The following CCSER1 variants were observed in gnomAD, a reference collection of about 807,000 sequenced individuals.
The protein encoded by CCSER1 is coiled-coil serine rich protein 1.
Under a neutral mutation model 82.0 loss-of-function variants are expected in CCSER1, and 41 were observed. The observed-to-expected ratio is 0.50, with a 90% CI of 0.39 to 0.65. The LOEUF is 0.65. Among genes scored for constraint, CCSER1 ranks in the 30% least tolerant of loss-of-function variants. The pLI, the probability that CCSER1 is intolerant of heterozygous loss-of-function variation, is 0.00. For synonymous variants in CCSER1, 414 were observed against 383.9 expected (o/e 1.08, Z -0.92); for missense variants, 1,119 against 1,064.2 (o/e 1.05, Z -0.72).
chr4:90,147,589 T>C (rs1726049858), intron 1 of CCSER1, among the ~76,000 whole-genome samples: 2 of 152,138 alleles, frequency 1.3e-5, no homozygotes. Flanking sequence ...TCAAAGTGAG[T>C]AGCATTTGAA....
intron 10 of CCSER1, among the ~76,000 whole-genome samples, chr4:91,274,180 T>A: frequency 6.6e-6 from 1 of 152,184 alleles, no homozygotes; most frequent in Admixed American, 6.5e-5. Flanking sequence ...GATGACTTTT[T>A]AATTTTTTTT....
intron 10 of CCSER1, among the ~76,000 whole-genome samples, chr4:91,124,239 G>C (rs986985180): frequency 4.0e-5 from 6 of 151,532 alleles, no homozygotes; most frequent in African/African-American, 1.2e-4. Context: ...TTCAAATATT[G>C]TCATTAGTTC....
intron 1 of CCSER1, among the ~76,000 whole-genome samples, chr4:90,228,177 C>CA (rs139219675): frequency 0.57 from 85,968 of 152,088 alleles, 24,968 homozygotes; most frequent in African/African-American, 0.7. Flanking sequence ...GCAGGGCACA[C>CA]ACAAACAAAA....
chr4:90,604,695 G>T (rs1784418465), intron 5 of CCSER1, among the ~76,000 whole-genome samples: 1 of 152,170 alleles, frequency 6.6e-6, no homozygotes, highest in African/African-American at 2.4e-5. Flanking sequence ...GCACCAATCA[G>T]CACTTCGTGT....
rs760561993 is a variant in CCSER1, at chr4:90,468,275, G to A, written c.1645G>A (p.Ala549Thr). ...ATATCACTCTGTCGTCTCATGTGCC[G>A]CAGTAGTTCTTACTCCTATGGAACC... ...DSYHSVVSCA[A>T]VVLTPMEPMI... The change falls in exon 5 of 11, where the codon GCA (alanine) becomes ACA (threonine). Residue 549 changes from alanine (A) to threonine (T), a missense_variant. By Grantham distance (58) the Ala-to-Thr change is moderately conservative. Transcript: ENST00000509176. 21 of 1,607,722 alleles carry A rather than the reference G, an allele frequency of 1.3e-5. No homozygotes were observed. The highest frequency in any genetic ancestry group is 1.6e-5 in the Non-Finnish European group (19 of 1,176,102).
At chr4:91,494,792 C>A (rs748128060) in intron 10 of CCSER1, among the ~76,000 whole-genome samples, 3 of 151,624 alleles carry the variant, frequency 2.0e-5, no homozygotes, top group Admixed American at 6.6e-5. Context: ...TTTATAAAAA[C>A]AGATTAAAGC....
intron 1 of CCSER1, among the ~76,000 whole-genome samples, chr4:90,293,436 T>C (rs1731292319): frequency 6.6e-6 from 1 of 151,556 alleles, no homozygotes. Flanking sequence ...TTTGTTAATA[T>C]ACTTTAAGGA....
At chr4:90,537,844 T>G (rs1360903676) in intron 5 of CCSER1, among the ~76,000 whole-genome samples, 3 of 152,188 alleles carry the variant, frequency 2.0e-5, no homozygotes, top group African/African-American at 4.8e-5. Context: ...TTTTATGATT[T>G]GCATTTTATC....
intron 3 of CCSER1, among the ~76,000 whole-genome samples, chr4:90,362,026 A>G (rs1416759077): frequency 6.6e-6 from 1 of 152,180 alleles, no homozygotes. Flanking sequence ...TTTCTACGTT[A>G]AAAGATTCTG....
intron 1 of CCSER1, among the ~76,000 whole-genome samples, chr4:90,217,601 A>G (rs974331993): frequency 6.6e-6 from 1 of 152,070 alleles, no homozygotes. Context: ...CTCTTGCCTG[A>G]TAGCTCTGGC....
intron 10 of CCSER1, among the ~76,000 whole-genome samples, chr4:91,166,687 T>G (rs2148991747): frequency 6.6e-6 from 1 of 152,040 alleles, no homozygotes; most frequent in African/African-American, 2.4e-5. Context: ...TAGTATAAAG[T>G]TAGATGAGAA....
At chr4:91,391,578 G>A (rs1360757284) in intron 10 of CCSER1, among the ~76,000 whole-genome samples, 1 of 152,162 alleles carries the variant, frequency 6.6e-6, no homozygotes, top group African/African-American at 2.4e-5. Flanking sequence ...TGAGATTATA[G>A]GCATAAGCCA....
At chr4:90,252,793 A>G (rs985901311) in intron 1 of CCSER1, among the ~76,000 whole-genome samples, 4 of 151,608 alleles carry the variant, frequency 2.6e-5, no homozygotes, top group Non-Finnish European at 5.9e-5. Flanking sequence ...GTATTATTTC[A>G]TTTTTTCAAT....
At chr4:91,493,480 A>C (rs1057072141) in intron 10 of CCSER1, among the ~76,000 whole-genome samples, 1 of 151,876 alleles carries the variant, frequency 6.6e-6, no homozygotes, top group African/African-American at 2.4e-5. Flanking sequence ...TTTTAAATGA[A>C]ATATTTATTA....
chr4:91,278,882 C>T (rs959465957), intron 10 of CCSER1, among the ~76,000 whole-genome samples: 2 of 151,790 alleles, frequency 1.3e-5, no homozygotes, highest in Non-Finnish European at 2.9e-5. Context: ...TGTGTGTTTG[C>T]CTGATGGTAG....
At chr4:91,000,609 T>G (rs1737950530) in intron 9 of CCSER1, among the ~76,000 whole-genome samples, 2 of 152,136 alleles carry the variant, frequency 1.3e-5, no homozygotes, top group Non-Finnish European at 2.9e-5. Flanking sequence ...TTAGCAGTGT[T>G]TTGTAGTTCT....
At chr4:90,131,966 A>T (rs546006645) in intron 1 of CCSER1, among the ~76,000 whole-genome samples, 1 of 152,164 alleles carries the variant, frequency 6.6e-6, no homozygotes, top group Non-Finnish European at 1.5e-5. Context: ...TCAATATGAC[A>T]CCCCAGAAGT....
intron 1 of CCSER1, among the ~76,000 whole-genome samples, chr4:90,149,523 A>G (rs17205242): frequency 0.036 from 5,431 of 152,222 alleles, 145 homozygotes; most frequent in Non-Finnish European, 0.052. Context: ...CTAGTCTGAG[A>G]TTTCTCTAAG....
At chr4:90,698,598 G>GATCCAACT (rs1403971915) in intron 6 of CCSER1, among the ~76,000 whole-genome samples, 15 of 152,232 alleles carry the variant, frequency 9.9e-5, no homozygotes, top group African/African-American at 3.4e-4. Flanking sequence ...TGATATAAAT[G>GATCCAACT]ATCCAACTAT....
Sources: gnomAD v4.1 joint callset for allele counts (sites outside exome capture counted in the v4.1 genomes callset) on GRCh38, gnomAD v4.1.1 for gene constraint, MANE v1.5 for transcripts, NCBI Gene and HGNC (gene_info 2026-07-23, HGNC 2026-07-21) for gene names.